The following HMGCLL1 variants were observed in gnomAD, a reference collection of about 807,000 sequenced individuals.
The protein encoded by HMGCLL1 is 3-hydroxymethyl-3-methylglutaryl-CoA lyase, cytoplasmic.
A neutral mutation model predicts 39.1 loss-of-function variants in HMGCLL1; 36 were observed. The ratio of observed to expected loss-of-function variants is 0.92; its 90% CI spans 0.71 to 1.22. The LOEUF is 1.22. Among genes scored for constraint, HMGCLL1 ranks in the 50% most tolerant of loss-of-function variants. The pLI is 0.00. For synonymous variants in HMGCLL1, 149 were observed against 144.0 expected, an observed-to-expected ratio of 1.03 and a Z score of -0.25; for missense variants, 451 against 416.5, an observed-to-expected ratio of 1.08 and a Z score of -0.72.
In HMGCLL1 at chr6:55,514,175, T is replaced by C. The variant is rs1190808044; in HGVS notation, c.415A>G (p.Ile139Val). ...TCAGATGCAGCTCCAAAAACTGATA[T>C]CTCAGTAGCTCCAGCAGCAACCTGA... ...HHAVAAGATE[I>V]SVFGAASESF... Residue 139 changes from isoleucine to valine, a missense_variant, in exon 5 of 9, where the codon ATA (isoleucine) becomes GTA (valine). Ile to Val is a conservative substitution (Grantham distance 29). Transcript: ENST00000274901. 4 of 1,608,074 alleles carry C rather than the reference T, an allele frequency of 2.5e-6. No individual in the cohort carries two copies. In the African/African-American group the frequency reaches 4.0e-5, roughly 16 times the overall value.
At chr6:55,567,565 A>C (rs1228351914) in intron 1 of HMGCLL1, among the ~76,000 whole-genome samples, 1 of 152,186 alleles carries the variant, frequency 6.6e-6, no homozygotes, top group African/African-American at 2.4e-5. Flanking sequence ...AATTGAATTA[A>C]GCTGAATTAA....
At chr6:55,485,162 G>A (rs779208215) in intron 7 of HMGCLL1, among the ~76,000 whole-genome samples, 3 of 151,866 alleles carry the variant, frequency 2.0e-5, no homozygotes, top group Non-Finnish European at 2.9e-5. Context: ...TTGCCTTCCC[G>A]ACCACTTAGT....
At chr6:55,544,293 T>G (rs1769828994) in intron 1 of HMGCLL1, among the ~76,000 whole-genome samples, 1 of 152,146 alleles carries the variant, frequency 6.6e-6, no homozygotes, top group African/African-American at 2.4e-5. Context: ...AAGGCTGTTA[T>G]TTAAAATCGG....
At chr6:55,514,967 G>A (rs188763912) in intron 4 of HMGCLL1, among the ~76,000 whole-genome samples, 10 of 151,972 alleles carry the variant, frequency 6.6e-5, no homozygotes, top group South Asian at 2.1e-4. Flanking sequence ...TAACACATGG[G>A]GGGGAGGTCA....
chr6:55,521,715 G>A (rs9464259), intron 3 of HMGCLL1, among the ~76,000 whole-genome samples: 2,760 of 151,894 alleles, frequency 0.018, 44 homozygotes, highest in African/African-American at 0.047. Flanking sequence ...ACCTCTCTCC[G>A]TCTCCTTAGG....
chr6:55,501,357 C>G (rs79286256), intron 5 of HMGCLL1, among the ~76,000 whole-genome samples: 2,891 of 151,918 alleles, frequency 0.019, 84 homozygotes, highest in African/African-American at 0.064. Flanking sequence ...TGTTTGCATA[C>G]TTATTTATGG....
At chr6:55,460,742 C>A (rs1017092671) in intron 7 of HMGCLL1, among the ~76,000 whole-genome samples, 1 of 151,838 alleles carries the variant, frequency 6.6e-6, no homozygotes, top group East Asian at 1.9e-4. Flanking sequence ...AATTGCCATC[C>A]ATATCTAAAA....
At chr6:55,650,643 C>A in the HMGCLL1 span, among the ~76,000 whole-genome samples, 1 of 151,934 alleles carries the variant, frequency 6.6e-6, no homozygotes, top group Non-Finnish European at 1.5e-5. Context: ...TCCCCTATCC[C>A]CCGGGTATGT....
intron 7 of HMGCLL1, among the ~76,000 whole-genome samples, chr6:55,446,594 T>C (rs1295819763): frequency 1.3e-5 from 2 of 151,932 alleles, no homozygotes; most frequent in Non-Finnish European, 2.9e-5. Context: ...AAACATATCA[T>C]GTCTGTATTC....
At chr6:55,551,143 A>G (rs1307414354) in intron 1 of HMGCLL1, among the ~76,000 whole-genome samples, 1 of 151,888 alleles carries the variant, frequency 6.6e-6, no homozygotes, top group African/African-American at 2.4e-5. Context: ...TAATTCATAT[A>G]ATCTTTCCCC....
At chr6:55,596,598 C>T in the HMGCLL1 span, among the ~76,000 whole-genome samples, 20 of 152,126 alleles carry the variant, frequency 1.3e-4, no homozygotes, top group African/African-American at 4.3e-4. Context: ...AGTTGAGCTA[C>T]GCCTAAACTC....
chr6:55,452,088 G>A (rs1189872930), intron 7 of HMGCLL1, among the ~76,000 whole-genome samples: 1 of 152,080 alleles, frequency 6.6e-6, no homozygotes. Flanking sequence ...GGTGCATATA[G>A]GCCTATATAT....
intron 4 of HMGCLL1, among the ~76,000 whole-genome samples, chr6:55,514,589 T>C (rs4418185): frequency 0.056 from 8,497 of 152,248 alleles, 277 homozygotes; most frequent in African/African-American, 0.08. Context: ...TGGAAGATAC[T>C]AACTACTTTG....
chr6:55,528,132 A>G (rs949264339), intron 3 of HMGCLL1, among the ~76,000 whole-genome samples: 2 of 152,040 alleles, frequency 1.3e-5, no homozygotes, highest in Non-Finnish European at 2.9e-5. Flanking sequence ...ATCCAGGACA[A>G]TATTCATTAT....
intron 1 of HMGCLL1, among the ~76,000 whole-genome samples, chr6:55,571,128 G>A (rs534835412): frequency 6.6e-6 from 1 of 152,324 alleles, no homozygotes; most frequent in South Asian, 2.1e-4. Flanking sequence ...TGGGGACACA[G>A]CCAAACCATG....
chr6:55,489,631 A>G (rs1006028147), intron 7 of HMGCLL1, among the ~76,000 whole-genome samples: 1 of 152,072 alleles, frequency 6.6e-6, no homozygotes, highest in Non-Finnish European at 1.5e-5. Context: ...ACTGATTTTA[A>G]ACTTGCAATA....
chr6:55,643,466 G>T, the HMGCLL1 span, among the ~76,000 whole-genome samples: 1 of 151,918 alleles, frequency 6.6e-6, no homozygotes, highest in East Asian at 1.9e-4. Context: ...GGGCAGTGTG[G>T]CCATTTTAAT....
the HMGCLL1 span, among the ~76,000 whole-genome samples, chr6:55,604,307 A>C: frequency 3.9e-5 from 6 of 152,152 alleles, no homozygotes; most frequent in East Asian, 1.2e-3. Context: ...AATCATATAC[A>C]TTCTTTAACT....
the HMGCLL1 span, among the ~76,000 whole-genome samples, chr6:55,629,517 G>A: frequency 6.6e-6 from 1 of 152,138 alleles, no homozygotes; most frequent in Non-Finnish European, 1.5e-5. Flanking sequence ...AATCCAAGCT[G>A]GCTGCATAAA....
Sources: gnomAD v4.1 joint callset for allele counts (sites outside exome capture counted in the v4.1 genomes callset) on GRCh38, gnomAD v4.1.1 for gene constraint, MANE v1.5 for transcripts, NCBI Gene and HGNC (gene_info 2026-07-23, HGNC 2026-07-21) for gene names.